The following TMEM87A variants were observed in gnomAD, a reference collection of about 807,000 sequenced individuals.
TMEM87A encodes Golgi-pH regulating cation channel.
Under a neutral mutation model 90.0 loss-of-function variants are expected in TMEM87A, and 50 were observed. The observed-to-expected ratio is 0.56, with a 90% CI of 0.44 to 0.70. The LOEUF (loss-of-function observed/expected upper bound fraction) is 0.70, where lower values mean the gene tolerates loss of function less well. Among genes scored for constraint, TMEM87A ranks in the 30% least tolerant of loss-of-function variants. TMEM87A has a pLI of 0.00. For synonymous variants in TMEM87A, 226 were observed against 226.7 expected, an observed-to-expected ratio of 1.00 and a Z score of 0.03; for missense variants, 577 against 660.5, an observed-to-expected ratio of 0.87 and a Z score of 1.39.
At chr15:42,251,216 T>TATA (rs933036944) in intron 6 of TMEM87A, among the ~76,000 whole-genome samples, 4 of 152,230 alleles carry the variant, frequency 2.6e-5, no homozygotes, top group African/African-American at 9.6e-5. Context: ...GGTTTGTTAT[T>TATA]ACCAACCTTC....
intron 6 of TMEM87A, chr15:42,258,964 A>G: frequency 1.0e-6 from 1 of 1,004,212 alleles, no homozygotes; most frequent in Non-Finnish European, 1.5e-6. Context: ...AATCCAAGAA[A>G]TGTTTCTTCA....
In TMEM87A at chr15:42,211,597, G is replaced by A; in HGVS notation, c.*111C>T. 9.2e-7 allele frequency: 1 copy of A among 1,085,906 alleles called. No homozygotes were observed. The highest frequency in any genetic ancestry group is 1.4e-6 in the Non-Finnish European group (1 of 732,084). 67.3% of individuals were successfully genotyped at this position (1,085,906 alleles called of 1,614,324 possible). A position where few individuals can be genotyped will look rare whatever the true frequency, so the allele number is the denominator to read the frequency against. ...TCCAATGCCCAAAGATCAAGGAACA[G>A]ATCAGGATGTCATTGCTTCCTTTAA... is the stretch of plus-strand genomic sequence containing the variant. On this transcript the variant is annotated 3_prime_UTR_variant, in exon 20 of 20. Transcript: ENST00000389834.
chr15:42,217,439 T>C (rs1224618256), intron 19 of TMEM87A, among the ~76,000 whole-genome samples: 1 of 152,248 alleles, frequency 6.6e-6, no homozygotes, highest in Non-Finnish European at 1.5e-5. Flanking sequence ...ACTATATTCC[T>C]TTCTCAATAT....
intron 7 of TMEM87A, among the ~76,000 whole-genome samples, chr15:42,241,415 T>C (rs1042831381): frequency 1.8e-4 from 28 of 152,120 alleles, no homozygotes; most frequent in African/African-American, 6.3e-4. Context: ...GGAAATAACA[T>C]GAACAAAACA....
chr15:42,240,169 T>C (rs1391023762), intron 7 of TMEM87A, among the ~76,000 whole-genome samples: 1 of 152,238 alleles, frequency 6.6e-6, no homozygotes, highest in Non-Finnish European at 1.5e-5. Context: ...CCATCTTCTT[T>C]GTTTTCTATC....
At chr15:42,268,739 C>T (rs545153551) in intron 2 of TMEM87A, among the ~76,000 whole-genome samples, 1 of 152,116 alleles carries the variant, frequency 6.6e-6, no homozygotes, top group East Asian at 1.9e-4. Context: ...CACTGTTAGG[C>T]TAAAGAGGGA....
At chr15:42,256,121 T>C (rs1407623135) in intron 6 of TMEM87A, among the ~76,000 whole-genome samples, 1 of 152,056 alleles carries the variant, frequency 6.6e-6, no homozygotes, top group African/African-American at 2.4e-5. Flanking sequence ...TGAAATAGGA[T>C]GGAGGTACTG....
At chr15:42,236,281 AT>A (rs2050768719) in intron 10 of TMEM87A, 38 bp downstream of exon 10, 1 of 1,530,608 alleles carries the variant, frequency 6.5e-7, no homozygotes, top group Non-Finnish European at 9.1e-7. Flanking sequence ...TTTAATCAGC[AT>A]TTTAATTTGC....
chr15:42,234,851 C>G (rs2140938648), intron 10 of TMEM87A, among the ~76,000 whole-genome samples: 1 of 152,304 alleles, frequency 6.6e-6, no homozygotes, highest in South Asian at 2.1e-4. Flanking sequence ...GACACAATCA[C>G]TTCCTCCTTG....
At chr15:42,244,240 A>C (rs951812277) in intron 6 of TMEM87A, 73 bp from the exon 7 acceptor site, 10 of 1,082,396 alleles carry the variant, frequency 9.2e-6, no homozygotes, top group Non-Finnish European at 1.3e-5. Context: ...ACAATATGCA[A>C]ATTTTGCTCC....
At chr15:42,243,181 T>A (rs2050903812) in intron 7 of TMEM87A, among the ~76,000 whole-genome samples, 1 of 151,936 alleles carries the variant, frequency 6.6e-6, no homozygotes, top group Non-Finnish European at 1.5e-5. Context: ...GGCAGGAGAA[T>A]GGCGTGAACC....
intron 10 of TMEM87A, among the ~76,000 whole-genome samples, chr15:42,235,315 G>A (rs1255866547): frequency 6.6e-6 from 1 of 152,152 alleles, no homozygotes; most frequent in Non-Finnish European, 1.5e-5. Flanking sequence ...TGAGGATTAT[G>A]GCGTAAGCCA....
At chr15:42,257,596 T>C (rs774882637) in intron 6 of TMEM87A, among the ~76,000 whole-genome samples, 1 of 152,210 alleles carries the variant, frequency 6.6e-6, no homozygotes, top group Non-Finnish European at 1.5e-5. Context: ...TAAATTGCTA[T>C]GAAAAAGCAC....
At chr15:42,236,126 A>T (rs1566929430) in intron 10 of TMEM87A, among the ~76,000 whole-genome samples, 194 bp downstream of exon 10, 1 of 152,252 alleles carries the variant, frequency 6.6e-6, no homozygotes, top group Non-Finnish European at 1.5e-5. Context: ...GAAGTATGGA[A>T]TATATTTGGA....
chr15:42,239,610 G>C lies in TMEM87A; in HGVS notation c.684+60C>G, dbSNP rs1446601160. 2.9e-6 allele frequency: 4 copies of C among 1,361,038 alleles called. No homozygotes were observed. The Admixed American group carries it at 6.8e-5, about 23-fold the overall frequency. 84.3% of individuals were successfully genotyped at this position (1,361,038 alleles called of 1,614,324 possible). On this transcript the variant is annotated intron_variant, in intron 8 of 19. Transcript: ENST00000389834. ...AAAAAGAATACTGCCACAAAACATG[G>C]GACAATCTTTGAACCCAAAACCATC... is the stretch of plus-strand genomic sequence containing the variant.
chr15:42,261,101 A>C, intron 5 of TMEM87A, 95 bp downstream of exon 5: 2 of 1,542,666 alleles, frequency 1.3e-6, no homozygotes, highest in Non-Finnish European at 1.8e-6. Context: ...CCCCAGGTGC[A>C]GCACTCCCTC....
At chr15:42,249,647 C>T (rs118054003) in intron 6 of TMEM87A, among the ~76,000 whole-genome samples, 19,988 of 151,860 alleles carry the variant, frequency 0.13, 1,700 homozygotes, top group East Asian at 0.31. Context: ...GTCTGAGAGA[C>T]GGTTGTGACT....
At chr15:42,259,574 T>C (rs772021694) in intron 6 of TMEM87A, among the ~76,000 whole-genome samples, 12 of 152,212 alleles carry the variant, frequency 7.9e-5, no homozygotes, top group Non-Finnish European at 1.6e-4. Flanking sequence ...CACAGCTGCC[T>C]GAGGTGACCT....
Position 42,233,353 on chromosome 15 carries a change from C to A in TMEM87A, c.969-47G>T, listed in dbSNP as rs570469838. 3.5e-6 allele frequency: 5 copies of A among 1,429,116 alleles called. No homozygotes were observed. In the Admixed American group the frequency reaches 5.3e-5, roughly 15 times the overall value. 88.5% of individuals were successfully genotyped at this position (1,429,116 alleles called of 1,614,324 possible). A position where few individuals can be genotyped will look rare whatever the true frequency, so the allele number is the denominator to read the frequency against. On this transcript the variant is annotated intron_variant, in intron 10 of 19. Coordinates refer to ENST00000389834, the MANE Select transcript of TMEM87A (RefSeq NM_015497.5). ...ATTTGAGTACATATGGGACAAATGCCGAAACAAGCTAAGTAACAGGAACTT... is the reference window on the plus strand; with the variant it reads ...ATTTGAGTACATATGGGACAAATGCAGAAACAAGCTAAGTAACAGGAACTT...
Sources: allele counts gnomAD v4.1 joint callset (sites outside exome capture counted in the v4.1 genomes callset), GRCh38; gene constraint gnomAD v4.1.1; transcripts MANE v1.5; gene names NCBI Gene and HGNC (gene_info 2026-07-23, HGNC 2026-07-21).